Variants in PARN observed in about 807,000 individuals in gnomAD.
PARN encodes poly(A)-specific ribonuclease PARN.
A neutral mutation model predicts 102.8 loss-of-function variants in PARN; 71 were observed. The ratio of observed to expected loss-of-function variants is 0.69; its 90% CI spans 0.57 to 0.84. The LOEUF (loss-of-function observed/expected upper bound fraction) is 0.84. Among genes scored for constraint, PARN ranks in the 40% least tolerant of loss-of-function variants. PARN has a pLI of 0.00. For synonymous variants in PARN, 261 were observed against 252.9 expected (o/e 1.03, Z -0.30); for missense variants, 782 against 760.9 (o/e 1.03, Z -0.33).
At chr16:14,626,024 A>G (rs1175091489) in intron 5 of PARN, among the ~76,000 whole-genome samples, 1 of 152,132 alleles carries the variant, frequency 6.6e-6, no homozygotes, top group Non-Finnish European at 1.5e-5. Flanking sequence ...CAGCTACAAC[A>G]CCTCTAGAGG....
intron 18 of PARN, among the ~76,000 whole-genome samples, chr16:14,569,338 C>T (rs1164084166): frequency 1.3e-5 from 2 of 152,230 alleles, no homozygotes; most frequent in Non-Finnish European, 2.9e-5. Context: ...TTTCTGCACA[C>T]CTTCTACATG....
intron 2 of PARN, among the ~76,000 whole-genome samples, chr16:14,629,029 C>T (rs1246966630): frequency 6.6e-6 from 1 of 152,140 alleles, no homozygotes; most frequent in African/African-American, 2.4e-5. Flanking sequence ...TGACCCTAGC[C>T]GGTCACAAAA....
chr16:14,610,047 T>C (rs770197207), intron 7 of PARN, among the ~76,000 whole-genome samples: 1 of 151,836 alleles, frequency 6.6e-6, no homozygotes, highest in South Asian at 2.1e-4. Context: ...TCCGTCTCTA[T>C]TAAAAAAAAT....
At chr16:14,501,782 G>C (rs1264752632) in intron 21 of PARN, 1 of 152,214 alleles carries the variant, frequency 6.6e-6, no homozygotes, top group East Asian at 1.9e-4. Flanking sequence ...ACACTCTTTG[G>C]GGAATGCATT....
chr16:14,544,324 C>A (rs1966861742), intron 21 of PARN, among the ~76,000 whole-genome samples: 1 of 152,200 alleles, frequency 6.6e-6, no homozygotes, highest in East Asian at 1.9e-4. Flanking sequence ...TCTGTAATCT[C>A]AGCACTTTCG....
chr16:14,524,779 C>T lies in PARN; in HGVS notation c.1480+27242G>A, dbSNP rs924621075. Among the ~76,000 whole-genome samples, 3 of 152,200 alleles carry T rather than the reference C, an allele frequency of 2.0e-5. No individual in the cohort carries two copies. The East Asian group carries it at 5.8e-4, about 29-fold the overall frequency. ...GCAAAATACAGCCATCAGTGCCACT[C>T]GGATCCTGCTTCATGGTTTCTATGT... On this transcript the variant is annotated intron_variant, in intron 21 of 23. Transcript: ENST00000437198.
intron 22 of PARN, among the ~76,000 whole-genome samples, chr16:14,457,695 G>C (rs1961739741): frequency 6.6e-6 from 1 of 150,532 alleles, no homozygotes; most frequent in African/African-American, 2.4e-5. Context: ...CTACTCGGAA[G>C]GCTGAGGCAG....
intron 6 of PARN, among the ~76,000 whole-genome samples, chr16:14,613,005 C>T (rs148003056): frequency 2.0e-5 from 3 of 147,780 alleles, no homozygotes; most frequent in East Asian, 2.2e-4. Flanking sequence ...CATTGGGACA[C>T]GGGTGGTATT....
At position 14,569,564 on chromosome 16, in the gene PARN, C is replaced by T. The variant is rs147348505; in HGVS notation, c.1262+11310G>A. Among the ~76,000 whole-genome samples the T allele has an allele frequency of 8.3e-4, 126 of 152,334 alleles. 1 individual carries two copies. In the Middle Eastern group the frequency reaches 0.014, roughly 16 times the overall value. ...CTAGCTGAGATGTTGCACAGATACA[C>T]ATCTATGTATCTTAAAGTTTATGTG... On this transcript the variant is annotated intron_variant, in intron 18 of 23. Coordinates refer to ENST00000437198, the MANE Select transcript of PARN (RefSeq NM_002582.4).
At chr16:14,582,142 G>C (rs1240189074) in intron 17 of PARN, 39 bp downstream of exon 17, 1 of 1,257,298 alleles carries the variant, frequency 8.0e-7, no homozygotes, top group Non-Finnish European at 1.2e-6. Context: ...ATCCACCCTA[G>C]ATCACTGCGT....
intron 21 of PARN, among the ~76,000 whole-genome samples, chr16:14,519,811 A>T (rs1314464596): frequency 6.6e-6 from 1 of 151,688 alleles, no homozygotes; most frequent in Non-Finnish European, 1.5e-5. Context: ...CACATAGCAG[A>T]CAAGTAAAAG....
intron 21 of PARN, among the ~76,000 whole-genome samples, chr16:14,510,401 G>A (rs566291901): frequency 2.3e-4 from 35 of 152,084 alleles, no homozygotes; most frequent in Admixed American, 6.5e-5. Context: ...TCATTTTGGC[G>A]AATTCTAGTG....
intron 21 of PARN, among the ~76,000 whole-genome samples, chr16:14,524,621 A>G (rs1401160979): frequency 2.0e-5 from 3 of 152,222 alleles, no homozygotes; most frequent in Non-Finnish European, 4.4e-5. Flanking sequence ...TTTACTTAAA[A>G]TATGTTACTG....
At chr16:14,562,958 G>A (rs1968166782) in intron 18 of PARN, among the ~76,000 whole-genome samples, 1 of 152,158 alleles carries the variant, frequency 6.6e-6, no homozygotes, top group Non-Finnish European at 1.5e-5. Context: ...TTCCCTAGTA[G>A]TCCGGTGAAT....
rs568284348 is a variant in PARN, at chr16:14,489,988, G to C, written c.1481-7161C>G. On this transcript the variant is annotated intron_variant, in intron 21 of 23. Transcript: ENST00000437198. ...GTTCAAGACCAGCCTGGGTAACATG[G>C]TGAAACCCTGTCTCTACTTAAATAC... Among the ~76,000 whole-genome samples the C allele has an allele frequency of 3.3e-5, 5 of 152,332 alleles. No homozygotes were observed. The South Asian group carries it at 1.0e-3, about 32-fold the overall frequency.
intron 6 of PARN, 73 bp downstream of exon 6, chr16:14,617,517 C>G (rs1018779625): frequency 3.7e-6 from 3 of 814,138 alleles, no homozygotes; most frequent in Non-Finnish European, 6.5e-6. Flanking sequence ...AATTCTCAAC[C>G]AAGTTCAGAC....
intron 21 of PARN, among the ~76,000 whole-genome samples, chr16:14,549,387 C>T (rs1229954491): frequency 1.3e-5 from 2 of 152,098 alleles, no homozygotes; most frequent in Non-Finnish European, 2.9e-5. Context: ...TGAGAGAGGA[C>T]TCAGGGCCAA....
rs76526476 is a variant in PARN, at chr16:14,487,598, A to G, written c.1481-4771T>C. 0.018 allele frequency among the ~76,000 whole-genome samples: 2,811 copies of G among 152,340 alleles called. 254 individuals are homozygous for G. The East Asian group carries it at 0.3, about 16-fold the overall frequency. ...TTATTTTTTAAACAACTTCTGTGGA[A>G]CAGGGCTAACTCATAGGCAGTGTGC... On this transcript the variant is annotated intron_variant, in intron 21 of 23. Coordinates refer to ENST00000437198, the MANE Select transcript of PARN (RefSeq NM_002582.4).
intron 21 of PARN, among the ~76,000 whole-genome samples, chr16:14,493,423 C>T (rs1964155444): frequency 6.6e-6 from 1 of 152,080 alleles, no homozygotes; most frequent in Non-Finnish European, 1.5e-5. Flanking sequence ...GCCATGTTGT[C>T]CAGGCTGTTC....
Sources: gnomAD v4.1 joint callset for allele counts (sites outside exome capture counted in the v4.1 genomes callset) on GRCh38, gnomAD v4.1.1 for gene constraint, MANE v1.5 for transcripts, NCBI Gene and HGNC (gene_info 2026-07-23, HGNC 2026-07-21) for gene names.